Variants in SLC25A18 observed in about 807,000 individuals in gnomAD.
SLC25A18 encodes solute carrier family 25 member 18.
A neutral mutation model predicts 31.1 loss-of-function variants in SLC25A18; 24 were observed. The ratio of observed to expected loss-of-function variants is 0.77; its 90% CI spans 0.56 to 1.08. SLC25A18 has a LOEUF of 1.08. SLC25A18 is among the 50% of genes least tolerant of loss of function. The pLI, the probability that SLC25A18 is intolerant of heterozygous loss-of-function variation, is 0.00. For missense variants in SLC25A18, 371 were observed against 418.5 expected, an observed-to-expected ratio of 0.89 and a Z score of 0.99; for synonymous variants, 173 against 161.9, an observed-to-expected ratio of 1.07 and a Z score of -0.52.
intron 8 of SLC25A18, 149 bp from the exon 9 acceptor site, chr22:17,587,776 C>A (rs1171240014): frequency 1.2e-5 from 11 of 923,744 alleles, no homozygotes; most frequent in Non-Finnish European, 1.8e-5. Flanking sequence ...CTGTCCCTCA[C>A]CCACGCTCAC....
intron 2 of SLC25A18, among the ~76,000 whole-genome samples, chr22:17,577,421 G>A (rs549730130): frequency 1.3e-5 from 2 of 151,494 alleles, no homozygotes; most frequent in East Asian, 4.0e-4. Flanking sequence ...GCCTCCCAAA[G>A]TGCTGAGATT....
In SLC25A18 at chr22:17,579,821, C is replaced by A; in HGVS notation, c.-124C>A. On this transcript the variant is annotated 5_prime_UTR_variant, in exon 3 of 11. Transcript: ENST00000327451. ...GGCCAGGCTGCACTCAAAACCCGTG[C>A]TCTGTCCACACTGCTACGGGGCCAG... 1 of 1,470,216 alleles carries A rather than the reference C, an allele frequency of 6.8e-7. No homozygotes were observed. 91.1% of individuals were successfully genotyped at this position (1,470,216 alleles called of 1,614,324 possible).
At chr22:17,583,815 A>G (rs2057447682) in intron 7 of SLC25A18, among the ~76,000 whole-genome samples, 1 of 151,942 alleles carries the variant, frequency 6.6e-6, no homozygotes, top group Non-Finnish European at 1.5e-5. Context: ...GTGGTGGTGC[A>G]TGCCTATAAT....
chr22:17,582,507 G>A, intron 5 of SLC25A18, 56 bp from the exon 6 acceptor site: 1 of 1,462,372 alleles, frequency 6.8e-7, no homozygotes, highest in Non-Finnish European at 9.3e-7. Context: ...GGGCAGACCT[G>A]GGGCACTGTT....
At position 17,578,608 on chromosome 22, in the gene SLC25A18, C is replaced by A. The variant is rs570461580; in HGVS notation, c.-200-1137C>A. ...CAAGCAGAGAGCGTCCGGAGAGCTGCTCCTGACACCACTCCTCTGGGGTTA... is the reference window on the plus strand; with the variant it reads ...CAAGCAGAGAGCGTCCGGAGAGCTGATCCTGACACCACTCCTCTGGGGTTA... On this transcript the variant is annotated intron_variant, in intron 2 of 10. Coordinates refer to ENST00000327451, the MANE Select transcript of SLC25A18 (RefSeq NM_031481.3). 5.3e-5 allele frequency among the ~76,000 whole-genome samples: 8 copies of A among 152,324 alleles called. No individual in the cohort carries two copies. The South Asian group carries it at 1.7e-3, about 32-fold the overall frequency.
chr22:17,580,333 T>G (rs1054250323), intron 3 of SLC25A18: 3 of 228,638 alleles, frequency 1.3e-5, no homozygotes, highest in Non-Finnish European at 2.4e-5. Context: ...GCCTCCCGCC[T>G]GAAAGATAAG....
Position 17,564,857 on chromosome 22 carries a change from C to CAAAAAAAAAAAAA in SLC25A18, c.-264+1156_-264+1157insAAAAAAAAAAAAA, listed in dbSNP as rs695292. Among the ~76,000 whole-genome samples the CAAAAAAAAAAAAA allele has an allele frequency of 2.3e-4, 26 of 112,248 alleles. 1 individual carries two copies. The highest frequency in any genetic ancestry group is 6.1e-4 in the South Asian group (2 of 3,266). The allele number at this position is 112,248 out of a possible 152,430, so 73.6% of individuals were successfully genotyped here. On this transcript the variant is annotated intron_variant, in intron 1 of 10. Transcript: ENST00000327451. ...GGGGGACAGAGCAAGACTCTGTCTC[C>CAAAAAAAAAAAAA]AAAAAAAAAAAATCAGGCCCAGGCA...
chr22:17,587,667 C>T (rs1269337291), intron 8 of SLC25A18, among the ~76,000 whole-genome samples: 1 of 152,240 alleles, frequency 6.6e-6, no homozygotes, highest in Non-Finnish European at 1.5e-5. Flanking sequence ...CATTTCCCGC[C>T]TCGGACTTGC....
intron 7 of SLC25A18, among the ~76,000 whole-genome samples, chr22:17,585,653 T>TTA (rs1555951977): frequency 0.017 from 2,153 of 128,892 alleles, 45 homozygotes; most frequent in African/African-American, 0.066. Flanking sequence ...TATTATTATT[T>TTA]TTTTTTTTTT....
chr22:17,565,740 G>A (rs765771687), intron 1 of SLC25A18, among the ~76,000 whole-genome samples: 17 of 152,100 alleles, frequency 1.1e-4, no homozygotes, highest in Non-Finnish European at 2.2e-4. Context: ...GATGGGGCAT[G>A]CCTGTAATCC....
intron 3 of SLC25A18, chr22:17,580,766 G>C (rs868223048): frequency 8.3e-7 from 1 of 1,206,628 alleles, no homozygotes; most frequent in East Asian, 3.9e-5. Flanking sequence ...CCCTGGTGGC[G>C]GCCCATGGGG....
chr22:17,564,670 G>A (rs1257856003), intron 1 of SLC25A18, among the ~76,000 whole-genome samples: 1 of 151,978 alleles, frequency 6.6e-6, no homozygotes, highest in Non-Finnish European at 1.5e-5. Context: ...GACCATCCTG[G>A]CTAACGTGAA....
At chr22:17,578,464 T>A (rs1337811319) in intron 2 of SLC25A18, among the ~76,000 whole-genome samples, 1 of 152,190 alleles carries the variant, frequency 6.6e-6, no homozygotes, top group African/African-American at 2.4e-5. Context: ...AAAGAATTGC[T>A]GGCAACCAGT....
chr22:17,583,649 G>T (rs2057442691), intron 7 of SLC25A18, 115 bp downstream of exon 7: 3 of 1,427,962 alleles, frequency 2.1e-6, no homozygotes, highest in Non-Finnish European at 2.8e-6. Flanking sequence ...TTTCCAAGCA[G>T]GTAGAAGTTT....
At chr22:17,585,075 A>G (rs2057504202) in intron 7 of SLC25A18, among the ~76,000 whole-genome samples, 1 of 151,942 alleles carries the variant, frequency 6.6e-6, no homozygotes, top group African/African-American at 2.4e-5. Context: ...CCTGGGCAAC[A>G]TAGCAAGAAC....
intron 1 of SLC25A18, among the ~76,000 whole-genome samples, chr22:17,566,227 C>T (rs1397334744): frequency 6.6e-6 from 1 of 152,134 alleles, no homozygotes; most frequent in Non-Finnish European, 1.5e-5. Context: ...AACTTCTCTT[C>T]CCTCCCCGTC....
At chr22:17,586,682 G>A in intron 7 of SLC25A18, among the ~76,000 whole-genome samples, 1 of 152,202 alleles carries the variant, frequency 6.6e-6, no homozygotes, top group Non-Finnish European at 1.5e-5. Flanking sequence ...GGGAGGCTGA[G>A]GCAGGAGAAT....
At chr22:17,580,650 T>C (rs1207544376) in intron 3 of SLC25A18, 1 of 1,011,072 alleles carries the variant, frequency 9.9e-7, no homozygotes, top group Non-Finnish European at 1.2e-6. Context: ...GGATGCAAAC[T>C]CAGTTCTGCC....
At chr22:17,570,648 C>T (rs928133683) in intron 2 of SLC25A18, among the ~76,000 whole-genome samples, 4 of 152,096 alleles carry the variant, frequency 2.6e-5, no homozygotes, top group African/African-American at 7.2e-5. Flanking sequence ...CTATGCCTGG[C>T]TAATTTTTTT....
Sources: gnomAD v4.1 joint callset for allele counts (sites outside exome capture counted in the v4.1 genomes callset) on GRCh38, gnomAD v4.1.1 for gene constraint, MANE v1.5 for transcripts, NCBI Gene and HGNC (gene_info 2026-07-23, HGNC 2026-07-21) for gene names.